The following SFXN2 variants were observed in gnomAD, a reference collection of about 807,000 sequenced individuals.
SFXN2 encodes the protein sideroflexin-2.
In SFXN2, 37 loss-of-function variants were observed where a neutral mutation model predicts 41.9. The observed-to-expected ratio is 0.88, with a 90% confidence interval of 0.68 to 1.16. The LOEUF (loss-of-function observed/expected upper bound fraction) is 1.16, where lower values mean the gene tolerates loss of function less well. Ranked by LOEUF, SFXN2 falls within the 50% of genes most tolerant of loss-of-function variation. The pLI is 0.00. For missense variants in SFXN2, 386 were observed against 425.2 expected, an observed-to-expected ratio of 0.91 and a Z score of 0.81; for synonymous variants, 150 against 156.7, an observed-to-expected ratio of 0.96 and a Z score of 0.32.
intron 1 of SFXN2, among the ~76,000 whole-genome samples, chr10:102,726,075 G>A (rs888948794): frequency 4.6e-5 from 7 of 152,048 alleles, no homozygotes; most frequent in Non-Finnish European, 1.0e-4. Context: ...TCAGCCTCCT[G>A]AGTAGCTGGG....
At position 102,741,516 on chromosome 10, in the gene SFXN2, GAACCAGAATCCTA is replaced by G. The variant is rs1222364466; in HGVS notation, c.*3757_*3769del. ...AAGGTCTTTTCCTCAATCCTGGCTA[GAACCAGAATCCTA>G]AAGGTTTCCTGACTACAGGTACATG... On this transcript the variant is annotated 3_prime_UTR_variant, in exon 12 of 12. Transcript: ENST00000369893. The G allele has an allele frequency of 6.6e-6, 1 of 152,220 alleles. No individual in the cohort carries two copies. The highest frequency in any genetic ancestry group is 1.5e-5 in the Non-Finnish European group (1 of 68,050). The allele number at this position is 152,220 out of a possible 1,614,324, so 9.4% of individuals were successfully genotyped here.
At chr10:102,719,326 A>C (rs1466143605) in intron 1 of SFXN2, among the ~76,000 whole-genome samples, 1 of 150,976 alleles carries the variant, frequency 6.6e-6, no homozygotes. Context: ...GGTTCAATCA[A>C]TTCTTGTGCC....
intron 5 of SFXN2, 158 bp from the exon 6 acceptor site, chr10:102,729,565 T>C (rs998895393): frequency 8.9e-7 from 1 of 1,118,458 alleles, no homozygotes; most frequent in East Asian, 2.4e-5. Context: ...TTGGTTCTTC[T>C]TGGGCCTTTG....
Position 102,731,111 on chromosome 10 carries a change from A to T in SFXN2, c.594-612A>T, listed in dbSNP as rs147218095. Among the ~76,000 whole-genome samples, 167 of 150,822 alleles carry T rather than the reference A, an allele frequency of 1.1e-3. 1 individual carries two copies. Among genetic ancestry groups the T allele is most frequent in the Non-Finnish European group, 5.2e-4 (35 of 67,626 alleles). Reference sequence around the variant, plus strand: ...ACAAAAAAAAAACCAAAAAACAAAAACAAAAATTAGCCGGGCATGGTGGCG... The same window carrying T: ...ACAAAAAAAAAACCAAAAAACAAAATCAAAAATTAGCCGGGCATGGTGGCG... On this transcript the variant is annotated intron_variant, in intron 6 of 11. Coordinates refer to ENST00000369893, the MANE Select transcript of SFXN2 (RefSeq NM_178858.6).
intron 11 of SFXN2, among the ~76,000 whole-genome samples, 199 bp downstream of exon 11, chr10:102,736,108 G>A (rs939724769): frequency 5.3e-5 from 8 of 152,230 alleles, no homozygotes; most frequent in African/African-American, 1.9e-4. Flanking sequence ...CGAGGGGCAG[G>A]AGAAGCCAGG....
chr10:102,717,700 T>G, intron 1 of SFXN2: 15 of 944,292 alleles, frequency 1.6e-5, no homozygotes, highest in Non-Finnish European at 1.9e-5. Context: ...TTCTGTAACC[T>G]AGGCAGGTTC....
chr10:102,737,439 G>GT lies in SFXN2; in HGVS notation c.870-223dup, dbSNP rs1268723904. On this transcript the variant is annotated intron_variant, in intron 11 of 11. Coordinates refer to ENST00000369893, the MANE Select transcript of SFXN2 (RefSeq NM_178858.6). ...AGACATCTCTTGTGTCCCAAGCACT[G>GT]TGTTTGTAATCTTGTGGAGAAGATG... Among the ~76,000 whole-genome samples the GT allele has an allele frequency of 3.3e-5, 5 of 152,132 alleles. No individual in the cohort carries two copies. The East Asian group carries it at 9.6e-4, about 29-fold the overall frequency.
intron 9 of SFXN2, 61 bp from the exon 10 acceptor site, chr10:102,733,493 G>C: frequency 7.2e-7 from 1 of 1,385,526 alleles, no homozygotes; most frequent in Non-Finnish European, 1.0e-6. Context: ...GAGCAGGGTT[G>C]GGGTTCACCT....
At chr10:102,729,007 C>T (rs145881396) in intron 4 of SFXN2, among the ~76,000 whole-genome samples, 9 of 152,250 alleles carry the variant, frequency 5.9e-5, no homozygotes, top group Non-Finnish European at 1.0e-4. Flanking sequence ...TCTGTGAAGA[C>T]GACATTTCAA....
rs1298302123 is a variant in SFXN2, at chr10:102,727,061, A to C, written c.236A>C (p.His79Pro). 5.0e-6 allele frequency: 8 copies of C among 1,610,374 alleles called. No individual in the cohort carries two copies. Among genetic ancestry groups the C allele is most frequent in the Non-Finnish European group, 2.5e-6 (3 of 1,177,028 alleles). The change falls in exon 3 of 12, where the codon CAC becomes CCC. Residue 79 changes from histidine (H) to proline (P), a missense_variant. Physicochemically the swap from His to Pro is moderately conservative, Grantham distance 77 (BLOSUM62 -2). Transcript: ENST00000369893. The stretch of plus-strand genomic sequence containing the variant: ...AAGAAGCTGTATGACTCGGCCTTCC[A>C]CCCCGACACTGGGGAGAAGATGAAT... ...YAKKLYDSAF[H>P]PDTGEKMNVI...
intron 1 of SFXN2, among the ~76,000 whole-genome samples, chr10:102,718,918 C>CTTTTTTT (rs34471332): frequency 1.7e-4 from 13 of 74,300 alleles, no homozygotes; most frequent in Admixed American, 5.2e-4. Context: ...TTCTCGGCTT[C>CTTTTTTT]TTTTTTTTTT....
chr10:102,721,661 A>G (rs1018090992), intron 1 of SFXN2, among the ~76,000 whole-genome samples: 2 of 148,810 alleles, frequency 1.3e-5, no homozygotes, highest in African/African-American at 2.4e-5. Context: ...ATTATAGTAT[A>G]CAAATATATT....
intron 1 of SFXN2, among the ~76,000 whole-genome samples, chr10:102,724,401 G>C (rs1243915615): frequency 1.3e-5 from 2 of 152,038 alleles, no homozygotes; most frequent in African/African-American, 2.4e-5. Context: ...ATTTCCTTTT[G>C]ATTCTTTCTT....
At chr10:102,725,544 G>A (rs12775883) in intron 1 of SFXN2, among the ~76,000 whole-genome samples, 44,715 of 152,000 alleles carry the variant, frequency 0.29, 6,919 homozygotes, top group Non-Finnish European at 0.33. Context: ...CTATAATCAT[G>A]CCTGTCAATT....
chr10:102,736,503 C>G (rs2064780864), intron 11 of SFXN2, among the ~76,000 whole-genome samples: 2 of 150,470 alleles, frequency 1.3e-5, no homozygotes, highest in African/African-American at 2.4e-5. Context: ...CTCACTGCAA[C>G]CTCCGACTCC....
At position 102,731,182 on chromosome 10, in the gene SFXN2, G is replaced by A. The variant is rs538490049; in HGVS notation, c.594-541G>A. ...CTGGGGAGGTTGAGGCAGGAGAATCGCTTGAACCCAGGAGATGGAGGTTGC... is the reference window on the plus strand; with the variant it reads ...CTGGGGAGGTTGAGGCAGGAGAATCACTTGAACCCAGGAGATGGAGGTTGC... On this transcript the variant is annotated intron_variant, in intron 6 of 11. Transcript: ENST00000369893. 1.9e-4 allele frequency among the ~76,000 whole-genome samples: 28 copies of A among 149,134 alleles called. 1 individual carries two copies. The highest frequency in any genetic ancestry group is 3.3e-4 in the Non-Finnish European group (22 of 67,664).
chr10:102,741,188 G>C lies in SFXN2; in HGVS notation c.*3426G>C, dbSNP rs1590159971. On this transcript the variant is annotated 3_prime_UTR_variant, in exon 12 of 12. Coordinates refer to ENST00000369893, the MANE Select transcript of SFXN2 (RefSeq NM_178858.6). ...TGTCCTATCCAATAGCTCAGCTTGA[G>C]CTTTCAGGTAAAAGGAGAAAGGGAA... is the stretch of plus-strand genomic sequence containing the variant. The C allele has an allele frequency of 6.6e-6, 1 of 152,318 alleles. No individual in the cohort carries two copies. Among genetic ancestry groups the C allele is most frequent in the African/African-American group, 2.4e-5 (1 of 41,570 alleles). 9.4% of individuals were successfully genotyped at this position (152,318 alleles called of 1,614,324 possible). A position where few individuals can be genotyped will look rare whatever the true frequency, so the allele number is the denominator to read the frequency against.
rs1401061344 is a variant in SFXN2, at chr10:102,726,675, C to A, written c.39C>A (p.Pro13=). Reference sequence around the variant, plus strand: ...TGTCTGGCTTTAACATCGATGCCCCCCGTTGGGACCAGCGCACCTTCCTGG... The same window carrying A: ...TGTCTGGCTTTAACATCGATGCCCCACGTTGGGACCAGCGCACCTTCCTGG... ...ADLSGFNIDA[P]RWDQRTFLGR... Residue 13 remains proline (P), a synonymous_variant, in exon 2 of 12, where the codon CCC becomes CCA. Transcript: ENST00000369893. 1 of 1,614,182 alleles carries A rather than the reference C, an allele frequency of 6.2e-7. No homozygotes were observed. Among genetic ancestry groups the A allele is most frequent in the South Asian group, 1.1e-5 (1 of 91,088 alleles).
chr10:102,735,266 A>C (rs2064759945), intron 10 of SFXN2, among the ~76,000 whole-genome samples: 1 of 114,796 alleles, frequency 8.7e-6, no homozygotes. Flanking sequence ...AGTTCTTCCT[A>C]CTCCAAGTAG....
Sources: allele counts gnomAD v4.1 joint callset (sites outside exome capture counted in the v4.1 genomes callset), GRCh38; gene constraint gnomAD v4.1.1; transcripts MANE v1.5; gene names NCBI Gene and HGNC (gene_info 2026-07-23, HGNC 2026-07-21).